The following PRORP variants were observed in gnomAD, a reference collection of about 807,000 sequenced individuals.
PRORP encodes the protein protein only RNase P catalytic subunit.
A neutral mutation model predicts 59.4 loss-of-function variants in PRORP; 51 were observed. That is an observed-to-expected ratio of 0.86 (90% confidence interval 0.69 to 1.08). The LOEUF (loss-of-function observed/expected upper bound fraction) is 1.08, where lower values mean the gene tolerates loss of function less well. Among genes scored for constraint, PRORP ranks in the 50% least tolerant of loss-of-function variants. The pLI is 0.00. For missense variants in PRORP, 646 were observed against 690.3 expected (o/e 0.94, Z 0.72); for synonymous variants, 231 against 245.6 (o/e 0.94, Z 0.55).
intron 5 of PRORP, among the ~76,000 whole-genome samples, chr14:35,231,496 A>T (rs1566513112): frequency 6.6e-6 from 1 of 152,164 alleles, no homozygotes; most frequent in Non-Finnish European, 1.5e-5. Context: ...TTGTTGTTTT[A>T]ATGGAAATTA....
chr14:35,188,326 G>A (rs1474531374), intron 5 of PRORP, among the ~76,000 whole-genome samples: 1 of 151,422 alleles, frequency 6.6e-6, no homozygotes, highest in African/African-American at 2.4e-5. Context: ...GAGTAGCTGG[G>A]ATTATGGGCG....
At position 35,123,228 on chromosome 14, in the gene PRORP, T is replaced by C. The variant is rs1351840559; in HGVS notation, c.-18T>C. ...TTTCAACATCTCTCTCACTATCTGG[T>C]GCTGATCTCACTGCATAATGACTTT... On this transcript the variant is annotated 5_prime_UTR_variant, in exon 2 of 8. Transcript: ENST00000534898. 5.0e-6 allele frequency: 8 copies of C among 1,597,994 alleles called. No homozygotes were observed. Among genetic ancestry groups the C allele is most frequent in the Middle Eastern group, 4.2e-4 (2 of 4,746 alleles).
intron 4 of PRORP, among the ~76,000 whole-genome samples, chr14:35,157,041 C>T (rs1184725224): frequency 4.0e-5 from 6 of 151,452 alleles, no homozygotes; most frequent in Non-Finnish European, 7.4e-5. Context: ...CTGCAAGCTC[C>T]GTCTCCTGGG....
intron 4 of PRORP, among the ~76,000 whole-genome samples, chr14:35,170,990 C>T (rs1421816761): frequency 3.3e-5 from 5 of 152,074 alleles, no homozygotes; most frequent in African/African-American, 1.2e-4. Flanking sequence ...GCTGGGATTA[C>T]AGGCGTGTGC....
At chr14:35,181,060 C>G (rs1415147522) in intron 5 of PRORP, among the ~76,000 whole-genome samples, 1 of 152,192 alleles carries the variant, frequency 6.6e-6, no homozygotes, top group Non-Finnish European at 1.5e-5. Context: ...AGCTAACCTT[C>G]TCCTGGGTCT....
intron 5 of PRORP, among the ~76,000 whole-genome samples, chr14:35,198,574 C>T (rs2049063220): frequency 6.6e-6 from 1 of 152,206 alleles, no homozygotes; most frequent in East Asian, 1.9e-4. Context: ...CACAGCAGGG[C>T]TAGACCTTGT....
At chr14:35,260,873 C>A (rs1270345699) in intron 5 of PRORP, among the ~76,000 whole-genome samples, 3 of 152,184 alleles carry the variant, frequency 2.0e-5, no homozygotes, top group African/African-American at 7.2e-5. Context: ...AAAGATCCTC[C>A]TGCTTTACCC....
intron 5 of PRORP, among the ~76,000 whole-genome samples, chr14:35,213,736 T>C (rs1426902555): frequency 1.3e-5 from 2 of 152,188 alleles, no homozygotes; most frequent in African/African-American, 4.8e-5. Context: ...ACAACATTTA[T>C]CGATTAGATT....
intron 6 of PRORP, among the ~76,000 whole-genome samples, chr14:35,269,321 A>G (rs1339814533): frequency 1.3e-5 from 2 of 152,206 alleles, no homozygotes; most frequent in African/African-American, 2.4e-5. Flanking sequence ...AATTAGATAA[A>G]TTTGAAGTGT....
At chr14:35,262,550 G>T (rs1032594644) in intron 5 of PRORP, 6 of 671,646 alleles carry the variant, frequency 8.9e-6, no homozygotes, top group African/African-American at 1.8e-5. Context: ...AAAGGCCCCA[G>T]AGGAACCCTG....
At chr14:35,271,156 CTTTTTTTTTT>C (rs762721923) in intron 7 of PRORP, among the ~76,000 whole-genome samples, 1 of 114,562 alleles carries the variant, frequency 8.7e-6, no homozygotes, top group Non-Finnish European at 1.8e-5. Flanking sequence ...ATTATGACTT[CTTTTTTTTTT>C]TTTTTTTTTT....
At chr14:35,134,305 C>T (rs992945777) in intron 4 of PRORP, among the ~76,000 whole-genome samples, 3 of 152,206 alleles carry the variant, frequency 2.0e-5, no homozygotes, top group Non-Finnish European at 4.4e-5. Flanking sequence ...CACTGATGTT[C>T]TCATAAGGCC....
intron 5 of PRORP, among the ~76,000 whole-genome samples, chr14:35,207,733 C>T (rs754898079): frequency 6.6e-6 from 1 of 152,184 alleles, no homozygotes; most frequent in Non-Finnish European, 1.5e-5. Flanking sequence ...TTTTTAAATG[C>T]ATTTCATAGC....
upstream of PRORP, chr14:35,122,062 G>T: frequency 7.9e-7 from 1 of 1,265,758 alleles, no homozygotes; most frequent in African/African-American, 1.5e-5. Context: ...GGTTAGGAAG[G>T]CCGTCCAACC....
intron 6 of PRORP, among the ~76,000 whole-genome samples, chr14:35,268,362 A>C (rs1470803353): frequency 6.6e-6 from 1 of 151,290 alleles, no homozygotes; most frequent in Non-Finnish European, 1.5e-5. Flanking sequence ...AAAAAAAAAA[A>C]ACAACCCACA....
chr14:35,201,187 T>C (rs1468276278), intron 5 of PRORP, among the ~76,000 whole-genome samples: 2 of 152,242 alleles, frequency 1.3e-5, no homozygotes, highest in African/African-American at 2.4e-5. Context: ...ACATGACTTA[T>C]CACTGTTGAT....
intron 5 of PRORP, among the ~76,000 whole-genome samples, chr14:35,254,363 TC>T (rs2050693098): frequency 6.6e-6 from 1 of 152,090 alleles, no homozygotes; most frequent in Non-Finnish European, 1.5e-5. Flanking sequence ...CATGTCAGTC[TC>T]CTGTTTTGGT....
intron 4 of PRORP, among the ~76,000 whole-genome samples, chr14:35,168,291 C>T (rs536164912): frequency 3.3e-5 from 5 of 152,260 alleles, no homozygotes; most frequent in East Asian, 3.9e-4. Context: ...TTTTTAATTT[C>T]GGCCATTCTA....
chr14:35,194,412 T>G (rs2048959000), intron 5 of PRORP, among the ~76,000 whole-genome samples: 2 of 152,108 alleles, frequency 1.3e-5, no homozygotes, highest in South Asian at 4.1e-4. Flanking sequence ...AAACCATCAT[T>G]CTCAGCAAAC....
Sources: gnomAD v4.1 joint callset for allele counts (sites outside exome capture counted in the v4.1 genomes callset) on GRCh38, gnomAD v4.1.1 for gene constraint, MANE v1.5 for transcripts, NCBI Gene and HGNC (gene_info 2026-07-23, HGNC 2026-07-21) for gene names.